The following NEK4 variants were observed in gnomAD, a reference collection of about 807,000 sequenced individuals.
NEK4 encodes the protein NIMA related kinase 4.
NEK4 carries 86 observed loss-of-function variants against 98.4 expected under a neutral mutation model. The observed-to-expected ratio is 0.87, with a 90% CI of 0.73 to 1.05. The LOEUF (loss-of-function observed/expected upper bound fraction) is 1.05, where lower values mean the gene tolerates loss of function less well. NEK4 is among the 50% of genes least tolerant of loss of function. The pLI, the probability that NEK4 is intolerant of heterozygous loss-of-function variation, is 0.00. For synonymous variants in NEK4, 328 were observed against 342.2 expected (o/e 0.96, Z 0.46); for missense variants, 898 against 950.3 (o/e 0.94, Z 0.72).
At chr3:52,735,748 A>C (rs1355720675) in intron 15 of NEK4, among the ~76,000 whole-genome samples, 1 of 152,258 alleles carries the variant, frequency 6.6e-6, no homozygotes, top group African/African-American at 2.4e-5. Context: ...CAAAAATAGC[A>C]ATCAATCATA....
intron 15 of NEK4, among the ~76,000 whole-genome samples, chr3:52,714,826 C>G (rs528332880): frequency 6.6e-6 from 1 of 152,222 alleles, no homozygotes; most frequent in Admixed American, 6.5e-5. Flanking sequence ...AATCTCAGAG[C>G]GGGGTAAGCC....
intron 2 of NEK4, 71 bp from the exon 3 acceptor site, chr3:52,766,446 T>C (rs1475470925): frequency 1.2e-5 from 13 of 1,121,844 alleles, no homozygotes; most frequent in South Asian, 1.1e-4. Flanking sequence ...GCTTATTATA[T>C]ACCATCAGCA....
chr3:52,762,815 A>T (rs1342991769), intron 5 of NEK4, among the ~76,000 whole-genome samples: 1 of 152,076 alleles, frequency 6.6e-6, no homozygotes, highest in Non-Finnish European at 1.5e-5. Context: ...CGGGAGGCGG[A>T]GGTTGCAGTG....
At chr3:52,723,727 G>A (rs1199154707) in intron 15 of NEK4, among the ~76,000 whole-genome samples, 8 of 152,172 alleles carry the variant, frequency 5.3e-5, no homozygotes, top group Admixed American at 3.9e-4. Flanking sequence ...ACACCATCAA[G>A]CAGCCCAACG....
At chr3:52,765,661 T>G (rs1260605876) in intron 4 of NEK4, among the ~76,000 whole-genome samples, 1 of 152,188 alleles carries the variant, frequency 6.6e-6, no homozygotes, top group Non-Finnish European at 1.5e-5. Context: ...AAGCCAATTC[T>G]TTTGAGCCAT....
chr3:52,727,765 C>T (rs1015714932), intron 15 of NEK4, among the ~76,000 whole-genome samples: 7 of 152,150 alleles, frequency 4.6e-5, no homozygotes, highest in African/African-American at 1.7e-4. Context: ...GCCACTGTGC[C>T]CAGTCTAAAT....
At chr3:52,767,713 C>T (rs1416384622) in intron 2 of NEK4, among the ~76,000 whole-genome samples, 3 of 150,306 alleles carry the variant, frequency 2.0e-5, no homozygotes, top group East Asian at 3.9e-4. Context: ...AACAAAACTC[C>T]GTCTCAAAAG....
chr3:52,749,264 CT>C (rs2097401193), intron 8 of NEK4, among the ~76,000 whole-genome samples: 1 of 151,900 alleles, frequency 6.6e-6, no homozygotes, highest in South Asian at 2.1e-4. Context: ...TCCTGAGTAG[CT>C]GGAATTACAG....
chr3:52,765,105 T>C (rs1417704346), intron 4 of NEK4, among the ~76,000 whole-genome samples: 2 of 151,874 alleles, frequency 1.3e-5, no homozygotes, highest in African/African-American at 4.8e-5. Flanking sequence ...AATCCCAGCA[T>C]TTTGGGAGGC....
chr3:52,744,616 G>A (rs1011467728), intron 10 of NEK4, among the ~76,000 whole-genome samples: 2 of 150,974 alleles, frequency 1.3e-5, no homozygotes, highest in East Asian at 2.0e-4. Context: ...CCTGGGAGGC[G>A]GTGGTTGCAA....
chr3:52,727,492 CT>C (rs1412313894), intron 15 of NEK4, among the ~76,000 whole-genome samples: 3 of 152,154 alleles, frequency 2.0e-5, no homozygotes, highest in Non-Finnish European at 4.4e-5. Flanking sequence ...CCAAATAACA[CT>C]TTTTGTTTTT....
intron 7 of NEK4, 103 bp downstream of exon 7, chr3:52,751,829 A>G: frequency 6.2e-6 from 7 of 1,125,368 alleles, no homozygotes; most frequent in Admixed American, 2.3e-5. Flanking sequence ...ACTGATACAT[A>G]GAATTACTGA....
intron 6 of NEK4, among the ~76,000 whole-genome samples, chr3:52,757,777 C>A (rs951837102): frequency 3.3e-5 from 5 of 152,016 alleles, no homozygotes; most frequent in African/African-American, 9.7e-5. Flanking sequence ...CATGGATGAA[C>A]CTTGAGGATA....
At chr3:52,748,380 C>G (rs1034317568) in intron 8 of NEK4, among the ~76,000 whole-genome samples, 4 of 152,102 alleles carry the variant, frequency 2.6e-5, no homozygotes, top group African/African-American at 9.7e-5. Flanking sequence ...TCCAAATGTT[C>G]TGATTTTTTT....
intron 6 of NEK4, 86 bp downstream of exon 6, chr3:52,760,709 A>C: frequency 2.3e-6 from 2 of 888,732 alleles, no homozygotes; most frequent in South Asian, 1.5e-5. Flanking sequence ...GTAAAGCATA[A>C]TCATTTCACA....
Position 52,711,629 on chromosome 3 carries a change from TC to T in NEK4, c.*147del. On this transcript the variant is annotated 3_prime_UTR_variant, in exon 16 of 16. Transcript: ENST00000233027. ...TCATATTATTCTGTTCTGTCCAATTTCTTTTCTGTAGGGAAACGCCAAAGAG... is the reference window on the plus strand; with the variant it reads ...TCATATTATTCTGTTCTGTCCAATTTTTTTCTGTAGGGAAACGCCAAAGAG... 1.6e-6 allele frequency: 1 copy of T among 609,168 alleles called. No individual in the cohort carries two copies. The highest frequency in any genetic ancestry group is 3.0e-6 in the Non-Finnish European group (1 of 337,136). The allele number at this position is 609,168 out of a possible 1,614,324, so 37.7% of individuals were successfully genotyped here. A position where few individuals can be genotyped will look rare whatever the true frequency, so the allele number is the denominator to read the frequency against.
intron 15 of NEK4, among the ~76,000 whole-genome samples, chr3:52,727,035 C>T (rs919919107): frequency 1.4e-5 from 2 of 143,760 alleles, no homozygotes; most frequent in African/African-American, 5.1e-5. Context: ...AATGCAATGG[C>T]TCAATCTTAG....
intron 1 of NEK4, among the ~76,000 whole-genome samples, chr3:52,769,064 C>A (rs557848714): frequency 9.2e-5 from 14 of 151,950 alleles, no homozygotes; most frequent in Admixed American, 7.2e-4. Context: ...ACTAAAAATA[C>A]AAAAATTAGC....
Position 52,768,464 on chromosome 3 carries a change from C to G in NEK4, c.234G>C (p.Leu78=), listed in dbSNP as rs1194478300. Residue 78 remains leucine, a synonymous_variant, in exon 2 of 16, where the codon CTG becomes CTC. Coordinates refer to ENST00000233027, the MANE Select transcript of NEK4 (RefSeq NM_003157.6). ...CACAGAAGCCCATGACAATGTAGAG[C>G]AGACCATCTCCTCCTTCCCATGACT... The part of the protein sequence containing the change: ...YKESWEGGDG[L]LYIVMGFCEG... 1.2e-6 allele frequency: 2 copies of G among 1,614,192 alleles called. No individual in the cohort carries two copies. The highest frequency in any genetic ancestry group is 1.7e-6 in the Non-Finnish European group (2 of 1,180,034).
Sources: allele counts gnomAD v4.1 joint callset (sites outside exome capture counted in the v4.1 genomes callset), GRCh38; gene constraint gnomAD v4.1.1; transcripts MANE v1.5; gene names NCBI Gene and HGNC (gene_info 2026-07-23, HGNC 2026-07-21).